Variants in TBC1D30 observed in about 807,000 individuals in gnomAD.
The protein encoded by TBC1D30 is TBC1 domain family member 30.
Under a neutral mutation model 63.2 loss-of-function variants are expected in TBC1D30, and 31 were observed. The observed-to-expected ratio is 0.49, with a 90% CI of 0.37 to 0.66. The LOEUF is 0.66. TBC1D30 is among the 30% of genes least tolerant of loss of function. TBC1D30 has a pLI of 0.00. For missense variants in TBC1D30, 810 were observed against 953.6 expected, an observed-to-expected ratio of 0.85 and a Z score of 1.98; for synonymous variants, 307 against 361.5, an observed-to-expected ratio of 0.85 and a Z score of 1.71.
chr12:64,759,832 G>A (rs1870430956), intron 1 of TBC1D30, among the ~76,000 whole-genome samples: 1 of 152,192 alleles, frequency 6.6e-6, no homozygotes, highest in South Asian at 2.1e-4. Context: ...ATCATCAGCT[G>A]GTGAGGAAAG....
At chr12:64,803,902 C>CCT (rs1872720775) in intron 2 of TBC1D30, among the ~76,000 whole-genome samples, 1 of 152,134 alleles carries the variant, frequency 6.6e-6, no homozygotes, top group Non-Finnish European at 1.5e-5. Context: ...GTTACTGTAG[C>CCT]TGTATAGTAT....
intron 1 of TBC1D30, among the ~76,000 whole-genome samples, chr12:64,765,489 C>CAAAA (rs1565632985): frequency 1.0e-4 from 1 of 9,592 alleles, no homozygotes; most frequent in East Asian, 0.025. Flanking sequence ...AAGACTGTCT[C>CAAAA]CAAAAAAAAA....
chr12:64,773,567 C>T (rs1870979802), intron 1 of TBC1D30, among the ~76,000 whole-genome samples: 1 of 152,186 alleles, frequency 6.6e-6, no homozygotes, highest in South Asian at 2.1e-4. Flanking sequence ...CTTCAGCCAC[C>T]TTCTACAGGT....
chr12:64,793,810 G>A (rs1032978732), intron 2 of TBC1D30, among the ~76,000 whole-genome samples: 1 of 152,204 alleles, frequency 6.6e-6, no homozygotes, highest in African/African-American at 2.4e-5. Context: ...ATTGAGCCAC[G>A]CTGCTCCACT....
At chr12:64,798,461 G>A (rs2136312623) in intron 2 of TBC1D30, among the ~76,000 whole-genome samples, 1 of 152,300 alleles carries the variant, frequency 6.6e-6, no homozygotes, top group Admixed American at 6.5e-5. Flanking sequence ...ATAGAATTAT[G>A]TATTTTTATG....
chr12:64,784,675 T>C (rs1051720095), intron 1 of TBC1D30, among the ~76,000 whole-genome samples: 2 of 151,848 alleles, frequency 1.3e-5, no homozygotes, highest in African/African-American at 4.8e-5. Flanking sequence ...ACAATTCTGG[T>C]TCCCAAATTT....
At chr12:64,861,906 G>A (rs1877826553) in intron 8 of TBC1D30, among the ~76,000 whole-genome samples, 1 of 152,150 alleles carries the variant, frequency 6.6e-6, no homozygotes, top group African/African-American at 2.4e-5. Flanking sequence ...AAGTGATGGG[G>A]TGGAAATTAC....
chr12:64,780,370 T>G (rs921103208), upstream of TBC1D30, among the ~76,000 whole-genome samples: 15 of 152,260 alleles, frequency 9.9e-5, no homozygotes, highest in African/African-American at 3.4e-4. Flanking sequence ...CTGGGCATTA[T>G]TTCTAGCTGG....
upstream of TBC1D30, among the ~76,000 whole-genome samples, chr12:64,821,196 G>C (rs550620552): frequency 1.3e-5 from 2 of 152,362 alleles, no homozygotes; most frequent in Admixed American, 1.3e-4. Context: ...TTACTGACTG[G>C]TAAGTGAACT....
chr12:64,765,472 A>T lies in TBC1D30; in HGVS notation c.-376+5823A>T, dbSNP rs148093730. 3.0e-3 allele frequency among the ~76,000 whole-genome samples: 400 copies of T among 131,756 alleles called. 4 individuals are homozygous for T. The highest frequency in any genetic ancestry group is 0.011 in the African/African-American group (380 of 33,376). The allele number at this position is 131,756 out of a possible 152,430, so 86.4% of individuals were successfully genotyped here. On this transcript the variant is annotated intron_variant, in intron 1 of 13. Transcript: ENST00000674237. ...CCACTACACTCCAGTAGCCTGGGCGACAGAGCAAGACTGTCTCCAAAAAAA... is the reference window on the plus strand; with the variant it reads ...CCACTACACTCCAGTAGCCTGGGCGTCAGAGCAAGACTGTCTCCAAAAAAA...
intron 2 of TBC1D30, among the ~76,000 whole-genome samples, chr12:64,807,405 T>C: frequency 6.6e-6 from 1 of 152,100 alleles, no homozygotes; most frequent in East Asian, 1.9e-4. Flanking sequence ...GAATGGAGAG[T>C]TGTTGTTTAA....
intron 11 of TBC1D30, among the ~76,000 whole-genome samples, chr12:64,874,150 G>A (rs1311553852): frequency 6.6e-6 from 1 of 152,176 alleles, no homozygotes; most frequent in Admixed American, 6.5e-5. Flanking sequence ...ATGCAGTGGC[G>A]CAATGTCAGC....
intron 2 of TBC1D30, among the ~76,000 whole-genome samples, chr12:64,793,243 T>TGA (rs1193272431): frequency 6.6e-6 from 1 of 152,074 alleles, no homozygotes; most frequent in Admixed American, 6.5e-5. Flanking sequence ...CTCGGGAGGC[T>TGA]GAGGCATGAT....
intron 2 of TBC1D30, among the ~76,000 whole-genome samples, chr12:64,819,156 A>G (rs1458006803): frequency 6.6e-6 from 1 of 152,222 alleles, no homozygotes; most frequent in Admixed American, 6.5e-5. Flanking sequence ...AAAATACAAA[A>G]GCTACACCTG....
intron 2 of TBC1D30, among the ~76,000 whole-genome samples, chr12:64,807,941 G>A (rs1166927181): frequency 6.2e-5 from 2 of 32,144 alleles, no homozygotes; most frequent in African/African-American, 3.7e-4. Context: ...TTTTTGTAGA[G>A]CTGGGGTCTT....
rs189975660 is a variant in TBC1D30 at position 64,798,975 on chromosome 12, G to A, written c.643+12930G>A. 3.3e-5 allele frequency among the ~76,000 whole-genome samples: 5 copies of A among 151,938 alleles called. No individual in the cohort carries two copies. The South Asian group carries it at 6.2e-4, about 19-fold the overall frequency. ...CTACAGGCACCCACCACCATGCCCA[G>A]CTAATTTTTTGTATTTTTTAGTAGA... is the stretch of plus-strand genomic sequence containing the variant. On this transcript the variant is annotated intron_variant, in intron 2 of 12. Coordinates refer to the TBC1D30 transcript ENST00000542120.
At chr12:64,808,269 A>G (rs1309495922) in intron 2 of TBC1D30, among the ~76,000 whole-genome samples, 1 of 152,096 alleles carries the variant, frequency 6.6e-6, no homozygotes, top group East Asian at 1.9e-4. Context: ...TTTAGGATTC[A>G]GCTGAAGCAC....
intron 10 of TBC1D30, chr12:64,868,440 G>C: frequency 4.4e-6 from 1 of 226,538 alleles, no homozygotes; most frequent in South Asian, 6.5e-5. Flanking sequence ...TGACAGTTTG[G>C]GTTCTGTAAG....
At chr12:64,825,698 C>G (rs1027397144) in intron 1 of TBC1D30, 10 of 152,314 alleles carry the variant, frequency 6.6e-5, no homozygotes, top group African/African-American at 2.4e-4. Context: ...AACTCCGTGT[C>G]GGCTCCATCA....
Sources: gnomAD v4.1 joint callset for allele counts (sites outside exome capture counted in the v4.1 genomes callset) on GRCh38, gnomAD v4.1.1 for gene constraint, MANE v1.5 for transcripts, NCBI Gene and HGNC (gene_info 2026-07-23, HGNC 2026-07-21) for gene names.